The following STARD9 variants were observed in gnomAD, a reference collection of about 807,000 sequenced individuals.
STARD9 encodes the protein StAR related lipid transfer domain containing 9, also known as stAR-related lipid transfer protein 9.
A neutral mutation model predicts 399.8 loss-of-function variants in STARD9; 346 were observed. The observed-to-expected ratio is 0.87, with a 90% confidence interval of 0.79 to 0.95. STARD9 has a LOEUF of 0.95. STARD9 is among the 40% of genes least tolerant of loss of function. The pLI is 0.00. For missense variants in STARD9, 5,832 were observed against 5,667.5 expected, an observed-to-expected ratio of 1.03 and a Z score of -0.93; for synonymous variants, 2,203 against 2,143.5, an observed-to-expected ratio of 1.03 and a Z score of -0.77.
chr15:42,662,978 G>A (rs978733897), intron 11 of STARD9, 87 bp downstream of exon 11: 2 of 1,040,900 alleles, frequency 1.9e-6, no homozygotes, highest in African/African-American at 1.6e-5. Context: ...TAGACACAGG[G>A]TTCCTTTTGA....
At chr15:42,581,137 C>T in intron 1 of STARD9, 1 of 739,374 alleles carries the variant, frequency 1.4e-6, no homozygotes, top group Non-Finnish European at 2.5e-6. Flanking sequence ...AGATGCCCAT[C>T]TCCAACTGAG....
rs1595838881 is a variant in STARD9, at chr15:42,718,597, C to T, written c.13842+83C>T. On this transcript the variant is annotated intron_variant, in intron 31 of 32. Coordinates refer to ENST00000290607, the MANE Select transcript of STARD9 (RefSeq NM_020759.3). ...AAACAATCTATGTGGGCCTCAGGTC[C>T]TCTAGGGGAAGGAGGGCAAATTGGG... 41 of 1,459,556 alleles carry T rather than the reference C, an allele frequency of 2.8e-5. No homozygotes were observed. The East Asian group carries it at 9.9e-4, about 35-fold the overall frequency. The allele number at this position is 1,459,556 out of a possible 1,614,324, so 90.4% of individuals were successfully genotyped here.
At chr15:42,665,695 T>C (rs1595733318) in intron 14 of STARD9, 91 bp from the exon 15 acceptor site, 1 of 1,007,186 alleles carries the variant, frequency 9.9e-7, no homozygotes, top group East Asian at 2.6e-5. Context: ...TTCCTTTATC[T>C]GCATCTTATC....
At chr15:42,646,401 T>A (rs554788253) in intron 7 of STARD9, among the ~76,000 whole-genome samples, 1 of 152,374 alleles carries the variant, frequency 6.6e-6, no homozygotes, top group East Asian at 1.9e-4. Flanking sequence ...TTTAGCTATA[T>A]CTTTTGGATA....
At chr15:42,681,814 T>G (rs909778500) in intron 21 of STARD9, among the ~76,000 whole-genome samples, 5 of 152,148 alleles carry the variant, frequency 3.3e-5, no homozygotes, top group Non-Finnish European at 5.9e-5. Context: ...ATTTCCTTAT[T>G]GTCCTCAGAA....
In STARD9 at chr15:42,692,755, G is replaced by A. The variant is rs1304897073; in HGVS notation, c.11177G>A (p.Gly3726Asp). 1.3e-6 allele frequency: 2 copies of A among 1,537,144 alleles called. 1 individual carries two copies. The highest frequency in any genetic ancestry group is 2.4e-5 in the South Asian group (2 of 84,048). The change falls in exon 23 of 33, where the codon GGC becomes GAC. Residue 3726 changes from glycine to aspartate, a missense_variant. Physicochemically the swap from Gly to Asp is moderately conservative, Grantham distance 94. Transcript: ENST00000290607. ...GCCCCACAGGCCCTGATGATGGATG[G>A]CTCTACTCAGACCACTGTGGATGAG... The part of the protein sequence containing the change: ...DKAPQALMMD[G>D]STQTTVDEGS...
chr15:42,575,872 G>A (rs2058042898), intron 1 of STARD9, 110 bp downstream of exon 1: 2 of 1,228,836 alleles, frequency 1.6e-6, no homozygotes, highest in African/African-American at 1.5e-5. Flanking sequence ...GTGACAAAGT[G>A]ACCCGGGGGG....
intron 26 of STARD9, among the ~76,000 whole-genome samples, chr15:42,697,496 A>C (rs2060869306): frequency 6.6e-6 from 1 of 152,140 alleles, no homozygotes; most frequent in Non-Finnish European, 1.5e-5. Context: ...ATATAGTAGA[A>C]AGGGCACAAA....
In STARD9 at chr15:42,688,289, T is replaced by A. The variant is rs114533051; in HGVS notation, c.6711T>A (p.Pro2237=). The A allele has an allele frequency of 8.9e-3, 13,622 of 1,537,534 alleles. 402 individuals are homozygous for A. In the African/African-American group the frequency reaches 0.089, roughly 10 times the overall value. The part of the protein sequence containing the change: ...VKASASLKGQ[P]WGLGSLEELE... ...CATCAGCAAGTCTCAAAGGGCAGCC[T>A]TGGGGCTTAGGAAGTCTTGAGGAAT... Residue 2237 remains proline, a synonymous_variant, in exon 23 of 33, where the codon CCT becomes CCA. Coordinates refer to ENST00000290607, the MANE Select transcript of STARD9 (RefSeq NM_020759.3).
At position 42,689,341 on chromosome 15, in the gene STARD9, C is replaced by G; in HGVS notation, c.7763C>G (p.Ser2588Ter). Residue 2588 changes from serine (S) to a stop codon, truncating the protein, a stop_gained, in exon 23 of 33, where the codon TCA becomes TGA. Coordinates refer to ENST00000290607, the MANE Select transcript of STARD9 (RefSeq NM_020759.3). LOFTEE classifies it high-confidence loss of function. ...CETLLEPECS[S>*]RVAGRPQCKQ... ...ACTTTACTAGAACCCGAATGTTCTT[C>G]AAGGGTTGCTGGCAGGCCTCAGTGT... 6.5e-7 allele frequency: 1 copy of G among 1,537,268 alleles called. No individual in the cohort carries two copies. Among genetic ancestry groups the G allele is most frequent in the South Asian group, 1.2e-5 (1 of 84,058 alleles).
intron 3 of STARD9, among the ~76,000 whole-genome samples, chr15:42,608,942 C>T (rs1334931649): frequency 6.6e-6 from 1 of 152,172 alleles, no homozygotes; most frequent in Non-Finnish European, 1.5e-5. Flanking sequence ...CAGTGTTAAC[C>T]GAGCATGCAC....
rs1409244943 is a variant in STARD9 at position 42,689,676 on chromosome 15, G to A, written c.8098G>A (p.Glu2700Lys). The change falls in exon 23 of 33, where the codon GAA (glutamate) becomes AAA (lysine). Residue 2700 changes from glutamate (E) to lysine (K), a missense_variant. Around this residue, in one of 2 missense-constraint regions of STARD9, gnomAD observed 5,828 missense variants for 5,651.1 expected, o/e 1.03. Coordinates refer to ENST00000290607, the MANE Select transcript of STARD9 (RefSeq NM_020759.3). Reference protein sequence around the residue: ...EPFICHSSSSEIIEKKKDATR... With the variant: ...EPFICHSSSSKIIEKKKDATR... ...ATTTATATGTCACTCTAGTTCTTCTGAAATCATAGAGAAAAAGAAAGATGC... is the reference window on the plus strand; with the variant it reads ...ATTTATATGTCACTCTAGTTCTTCTAAAATCATAGAGAAAAAGAAAGATGC... The A allele has an allele frequency of 1.3e-6, 2 of 1,537,804 alleles. No homozygotes were observed. The highest frequency in any genetic ancestry group is 1.7e-6 in the Non-Finnish European group (2 of 1,147,028).
At chr15:42,711,127 G>A (rs551815556) in intron 26 of STARD9, among the ~76,000 whole-genome samples, 4 of 151,178 alleles carry the variant, frequency 2.6e-5, no homozygotes, top group South Asian at 4.2e-4. Flanking sequence ...ACCATCGTAA[G>A]CTACCACATA....
intron 1 of STARD9, among the ~76,000 whole-genome samples, chr15:42,576,237 A>G (rs2058053281): frequency 6.6e-6 from 1 of 152,330 alleles, no homozygotes; most frequent in Middle Eastern, 3.4e-3. Context: ...TGAGGCCGAC[A>G]CAGGTCGCGG....
At chr15:42,708,627 C>T (rs1255782251) in intron 26 of STARD9, among the ~76,000 whole-genome samples, 2 of 151,552 alleles carry the variant, frequency 1.3e-5, no homozygotes, top group African/African-American at 2.4e-5. Context: ...TTTCTTGCTT[C>T]GTGGTTAGTA....
intron 7 of STARD9, among the ~76,000 whole-genome samples, chr15:42,646,962 G>A (rs973745245): frequency 6.6e-6 from 1 of 152,206 alleles, no homozygotes; most frequent in Non-Finnish European, 1.5e-5. Flanking sequence ...AGGGAGAAAG[G>A]TAGGGGAAAG....
chr15:42,661,347 C>T (rs2059989708), intron 10 of STARD9, 122 bp downstream of exon 10: 2 of 717,198 alleles, frequency 2.8e-6, no homozygotes, highest in Non-Finnish European at 4.7e-6. Flanking sequence ...GAAATAAGCT[C>T]TTTGAATGCT....
intron 19 of STARD9, 39 bp from the exon 20 acceptor site, chr15:42,675,833 G>A (rs751315377): frequency 2.6e-6 from 4 of 1,534,312 alleles, no homozygotes; most frequent in South Asian, 2.4e-5. Flanking sequence ...AGGTGGAGGC[G>A]ATGACAGCAG....
In STARD9 at chr15:42,718,114, C is replaced by G. The variant is rs1357070170; in HGVS notation, c.13697C>G (p.Pro4566Arg). 4 of 1,537,090 alleles carry G rather than the reference C, an allele frequency of 2.6e-6. No homozygotes were observed. The highest frequency in any genetic ancestry group is 3.5e-6 in the Non-Finnish European group (4 of 1,146,898). Reference protein sequence around the residue: ...WAAVSDPTVWPLYYKPIQTAR... With the variant: ...WAAVSDPTVWRLYYKPIQTAR... ...GCTGTCAGTGACCCCACTGTGTGGC[C>G]CCTGTATTACAAGCCCATCCAGACA... The change falls in exon 30 of 33, where the codon CCC (proline) becomes CGC (arginine). Residue 4566 changes from proline to arginine, a missense_variant. This residue lies in a region of STARD9 where 5,828 missense variants were observed against 5,651.1 expected (regional missense o/e 1.03). Transcript: ENST00000290607.
Sources: allele counts gnomAD v4.1 joint callset (sites outside exome capture counted in the v4.1 genomes callset), GRCh38; gene constraint gnomAD v4.1.1; regional missense constraint gnomAD v4.1.1; transcripts MANE v1.5; gene names NCBI Gene and HGNC (gene_info 2026-07-23, HGNC 2026-07-21).